DYNC1I1: variants seen among roughly 807,000 people sequenced by gnomAD.
The protein encoded by DYNC1I1 is cytoplasmic dynein 1 intermediate chain 1.
A neutral mutation model predicts 86.6 loss-of-function variants in DYNC1I1; 43 were observed. That is an observed-to-expected ratio of 0.50 (90% CI 0.39 to 0.64). The LOEUF (loss-of-function observed/expected upper bound fraction) is 0.64, where lower values mean the gene tolerates loss of function less well. Ranked by LOEUF, DYNC1I1 falls within the 30% of genes least tolerant of loss-of-function variation. The pLI is 0.00. For missense variants in DYNC1I1, 604 were observed against 788.8 expected (o/e 0.77, Z 2.81); for synonymous variants, 262 against 283.7 (o/e 0.92, Z 0.77).
intron 10 of DYNC1I1, among the ~76,000 whole-genome samples, chr7:96,009,211 GAGTTCTC>G (rs1448035028): frequency 6.6e-6 from 1 of 152,060 alleles, no homozygotes; most frequent in Non-Finnish European, 1.5e-5. Flanking sequence ...TTTTTCCCGG[GAGTTCTC>G]AGAGGATATT....
intron 6 of DYNC1I1, among the ~76,000 whole-genome samples, chr7:95,940,872 A>G (rs1226794606): frequency 6.6e-6 from 1 of 151,978 alleles, no homozygotes; most frequent in Non-Finnish European, 1.5e-5. Context: ...GAGGAGAGGC[A>G]CTCGCTTTTT....
chr7:96,087,901 T>C (rs1347909022), intron 16 of DYNC1I1, among the ~76,000 whole-genome samples: 3 of 152,230 alleles, frequency 2.0e-5, no homozygotes, highest in Non-Finnish European at 4.4e-5. Flanking sequence ...AATTCATTTG[T>C]CATAACAAAT....
intron 4 of DYNC1I1, among the ~76,000 whole-genome samples, chr7:95,825,330 G>A (rs952618971): frequency 6.6e-6 from 1 of 152,096 alleles, no homozygotes; most frequent in Non-Finnish European, 1.5e-5. Context: ...AAGTGGAAAA[G>A]GTCACTAAAA....
At chr7:95,970,916 A>G (rs904355529) in intron 6 of DYNC1I1, among the ~76,000 whole-genome samples, 4 of 109,040 alleles carry the variant, frequency 3.7e-5, no homozygotes, top group African/African-American at 1.5e-4. Context: ...CTGGAGTTGC[A>G]TCATAAAGGC....
Position 95,953,405 on chromosome 7 carries a change from GGAAA to G in DYNC1I1, c.491-24096_491-24093del, listed in dbSNP as rs546323510. On this transcript the variant is annotated intron_variant, in intron 6 of 16. Transcript: ENST00000447467. Reference sequence around the variant, plus strand: ...CTTTCTCCTATCAAGAGAGAGAGAAGGAAAGAAAGAAAGAGAGAGAGAGAGAAAG... The same window carrying G: ...CTTTCTCCTATCAAGAGAGAGAGAAGGAAAGAAAGAGAGAGAGAGAGAAAG... Among the ~76,000 whole-genome samples the G allele has an allele frequency of 1.5e-4, 23 of 151,684 alleles. No homozygotes were observed. The East Asian group carries it at 3.3e-3, about 22-fold the overall frequency.
At chr7:96,037,754 C>G (rs1205853956) in intron 13 of DYNC1I1, among the ~76,000 whole-genome samples, 1 of 152,200 alleles carries the variant, frequency 6.6e-6, no homozygotes, top group Middle Eastern at 3.4e-3. Context: ...AGAAGGGTCC[C>G]TATGGCACAC....
chr7:95,925,449 T>A (rs1296333624), intron 6 of DYNC1I1, among the ~76,000 whole-genome samples: 1 of 152,198 alleles, frequency 6.6e-6, no homozygotes, highest in Non-Finnish European at 1.5e-5. Context: ...AGCTTAGTAA[T>A]GGACTAATAC....
intron 6 of DYNC1I1, among the ~76,000 whole-genome samples, chr7:95,957,740 T>C (rs190027979): frequency 9.9e-4 from 150 of 152,272 alleles, no homozygotes; most frequent in Admixed American, 1.7e-3. Flanking sequence ...AAGTGTTTGC[T>C]GATTGTGGGA....
At chr7:95,822,223 T>G (rs1795090965) in intron 4 of DYNC1I1, among the ~76,000 whole-genome samples, 1 of 152,188 alleles carries the variant, frequency 6.6e-6, no homozygotes, top group South Asian at 2.1e-4. Flanking sequence ...CAAATAAAAT[T>G]GAGCCAATGA....
At position 95,931,169 on chromosome 7, in the gene DYNC1I1, A is replaced by T. The variant is rs1791884961; in HGVS notation, c.491-46343A>T. 2.6e-5 allele frequency among the ~76,000 whole-genome samples: 4 copies of T among 151,328 alleles called. No individual in the cohort carries two copies. In the South Asian group the frequency reaches 8.3e-4, roughly 32 times the overall value. On this transcript the variant is annotated intron_variant, in intron 6 of 16. Coordinates refer to ENST00000447467, the MANE Select transcript of DYNC1I1 (RefSeq NM_001135556.2). ...GAATACTTTTTTTTTTTTTGGAGAC[A>T]GAGTCTCACTTTGTAGCCCAGGCTG...
At chr7:96,012,412 T>C (rs151192234) in intron 10 of DYNC1I1, among the ~76,000 whole-genome samples, 4 of 152,316 alleles carry the variant, frequency 2.6e-5, no homozygotes, top group African/African-American at 7.2e-5. Flanking sequence ...TAGTAAGAGA[T>C]AGGAAGTAGA....
At chr7:95,997,865 G>C (rs1209957750) in intron 10 of DYNC1I1, among the ~76,000 whole-genome samples, 1 of 152,054 alleles carries the variant, frequency 6.6e-6, no homozygotes, top group Non-Finnish European at 1.5e-5. Context: ...ATGAAGTTGG[G>C]ATAAAGGTCA....
At chr7:96,003,019 T>C (rs1042262829) in intron 10 of DYNC1I1, among the ~76,000 whole-genome samples, 23 of 152,126 alleles carry the variant, frequency 1.5e-4, no homozygotes, top group African/African-American at 5.5e-4. Flanking sequence ...AAGTTTTGTA[T>C]TTTTTGGTAG....
intron 4 of DYNC1I1, among the ~76,000 whole-genome samples, chr7:95,817,175 G>A (rs989087134): frequency 6.6e-6 from 1 of 150,768 alleles, no homozygotes. Flanking sequence ...TTTGAGGCTA[G>A]GAGTTCAAGA....
chr7:96,106,159 T>G (rs941545906), intron 16 of DYNC1I1, among the ~76,000 whole-genome samples: 2 of 152,182 alleles, frequency 1.3e-5, no homozygotes, highest in African/African-American at 4.8e-5. Context: ...CTTAATTTGC[T>G]CTCTTTTTTT....
chr7:95,835,462 G>A (rs891631378), intron 5 of DYNC1I1, among the ~76,000 whole-genome samples: 2 of 151,190 alleles, frequency 1.3e-5, no homozygotes, highest in Non-Finnish European at 2.9e-5. Context: ...ATTTGAGGTG[G>A]AGAGTTCTGT....
chr7:95,866,268 A>C (rs963527825), intron 5 of DYNC1I1, among the ~76,000 whole-genome samples: 2 of 152,122 alleles, frequency 1.3e-5, no homozygotes, highest in Admixed American at 6.5e-5. Flanking sequence ...TGTCCTAACA[A>C]TCTAAACCAG....
At chr7:95,806,933 A>T (rs1305807616) in intron 2 of DYNC1I1, among the ~76,000 whole-genome samples, 1 of 152,142 alleles carries the variant, frequency 6.6e-6, no homozygotes, top group Non-Finnish European at 1.5e-5. Context: ...CATGGCTGGG[A>T]AACCTGGATC....
At chr7:95,934,178 G>GC (rs1226047189) in intron 6 of DYNC1I1, among the ~76,000 whole-genome samples, 1 of 151,978 alleles carries the variant, frequency 6.6e-6, no homozygotes, top group Non-Finnish European at 1.5e-5. Flanking sequence ...ACCAACCATG[G>GC]CCCCCCTCAA....
Sources: allele counts gnomAD v4.1 joint callset (sites outside exome capture counted in the v4.1 genomes callset), GRCh38; gene constraint gnomAD v4.1.1; transcripts MANE v1.5; gene names NCBI Gene and HGNC (gene_info 2026-07-23, HGNC 2026-07-21).